The following DAB1 variants were observed in gnomAD, a reference collection of about 807,000 sequenced individuals.
The protein encoded by DAB1 is DAB adaptor protein 1.
Under a neutral mutation model 64.6 loss-of-function variants are expected in DAB1, and 15 were observed. That is an observed-to-expected ratio of 0.23 (90% CI 0.16 to 0.36). The LOEUF is 0.36. Ranked by LOEUF, DAB1 falls within the 10% of genes least tolerant of loss-of-function variation. The probability of loss-of-function intolerance (pLI) is 1.00; values close to 1 mark genes in which losing one functional copy is unlikely to be tolerated. For missense variants in DAB1, 596 were observed against 706.7 expected (o/e 0.84, Z 1.78); for synonymous variants, 235 against 251.9 (o/e 0.93, Z 0.64).
At chr1:57,489,388 A>AAAC (rs1184242036) in intron 7 of DAB1, among the ~76,000 whole-genome samples, 1 of 152,202 alleles carries the variant, frequency 6.6e-6, no homozygotes, top group African/African-American at 2.4e-5. Flanking sequence ...CTAGATTCTC[A>AAAC]AACTATCTCA....
At chr1:57,742,549 G>C (rs1648052595) in intron 6 of DAB1, among the ~76,000 whole-genome samples, 1 of 152,102 alleles carries the variant, frequency 6.6e-6, no homozygotes, top group Admixed American at 6.5e-5. Flanking sequence ...AGTGCCCCAA[G>C]CTAGGAACCT....
At chr1:57,894,861 C>A (rs1205110060) in intron 5 of DAB1, among the ~76,000 whole-genome samples, 1 of 152,052 alleles carries the variant, frequency 6.6e-6, no homozygotes, top group African/African-American at 2.4e-5. Context: ...ATCAGCTGCA[C>A]CAATTAAAAC....
At chr1:58,433,638 T>G (rs1369705795) in intron 3 of DAB1, among the ~76,000 whole-genome samples, 2 of 142,294 alleles carry the variant, frequency 1.4e-5, no homozygotes, top group Admixed American at 7.0e-5. Flanking sequence ...TGTGTGTGCT[T>G]GTCTGTGTCT....
downstream of DAB1, among the ~76,000 whole-genome samples, chr1:57,824,775 C>T (rs1430142434): frequency 1.3e-5 from 2 of 152,232 alleles, no homozygotes; most frequent in African/African-American, 4.8e-5. Flanking sequence ...CACTAGCCAG[C>T]AGAGAGTCTG....
chr1:58,422,904 G>A (rs1019493631), intron 3 of DAB1, among the ~76,000 whole-genome samples: 2 of 152,184 alleles, frequency 1.3e-5, no homozygotes, highest in African/African-American at 2.4e-5. Flanking sequence ...AAATCTAACA[G>A]GAGCAAATCT....
chr1:57,145,836 T>A (rs930443165), intron 2 of DAB1, among the ~76,000 whole-genome samples: 3 of 152,240 alleles, frequency 2.0e-5, no homozygotes, highest in Admixed American at 6.5e-5. Context: ...GCACCGAGTC[T>A]CTGGCATTGC....
intron 6 of DAB1, among the ~76,000 whole-genome samples, chr1:57,728,973 G>A (rs1486471177): frequency 6.6e-6 from 1 of 152,136 alleles, no homozygotes; most frequent in Non-Finnish European, 1.5e-5. Flanking sequence ...AACTAATTAT[G>A]CTTATGTCGA....
At chr1:58,079,465 G>A (rs926585507) in intron 5 of DAB1, among the ~76,000 whole-genome samples, 14 of 150,542 alleles carry the variant, frequency 9.3e-5, no homozygotes, top group African/African-American at 3.4e-4. Context: ...TTATGACAGT[G>A]CTTGGCATAG....
downstream of DAB1, among the ~76,000 whole-genome samples, chr1:57,821,407 G>A (rs1029896165): frequency 7.6e-6 from 1 of 131,094 alleles, no homozygotes; most frequent in Non-Finnish European, 1.7e-5. Flanking sequence ...GCAATGAGCA[G>A]CTCTGTAATT....
rs532556325 is a variant in DAB1 at position 57,372,194 on chromosome 1, T to C, written c.-137+51736A>G. Among the ~76,000 whole-genome samples, 83 of 152,212 alleles carry C rather than the reference T, an allele frequency of 5.5e-4. 1 individual carries two copies. Among genetic ancestry groups the C allele is most frequent in the Non-Finnish European group, 8.7e-4 (59 of 68,048 alleles). ...TCTCCCTTACCCAAGAGCAAACTCA[T>C]AGACATTTACAAATTATGACAATTT... On this transcript the variant is annotated intron_variant, in intron 1 of 14. Coordinates refer to ENST00000371236, the MANE Select transcript of DAB1 (RefSeq NM_001365792.1).
At chr1:58,055,264 TC>T (rs1483894423) in intron 5 of DAB1, among the ~76,000 whole-genome samples, 1 of 152,176 alleles carries the variant, frequency 6.6e-6, no homozygotes, top group Admixed American at 6.5e-5. Flanking sequence ...AGCATGCACA[TC>T]CTTGATTCTT....
chr1:58,157,618 G>A (rs553243505), intron 4 of DAB1, among the ~76,000 whole-genome samples: 72 of 152,278 alleles, frequency 4.7e-4, no homozygotes, highest in Non-Finnish European at 1.5e-5. Flanking sequence ...GGGTGTTCTA[G>A]GCATAGAGAA....
intron 2 of DAB1, among the ~76,000 whole-genome samples, chr1:57,176,584 A>G (rs1662340887): frequency 6.6e-6 from 1 of 152,150 alleles, no homozygotes; most frequent in Admixed American, 6.5e-5. Flanking sequence ...CCCCTCCACC[A>G]TAATCTGAAT....
intron 4 of DAB1, among the ~76,000 whole-genome samples, chr1:58,177,378 G>C (rs1461174412): frequency 1.5e-4 from 23 of 152,298 alleles, no homozygotes; most frequent in Non-Finnish European, 5.9e-5. Context: ...ACAAATATTT[G>C]TGATAAAAAT....
intron 1 of DAB1, among the ~76,000 whole-genome samples, chr1:57,371,643 CACTCT>C (rs1680505090): frequency 6.6e-6 from 1 of 152,190 alleles, no homozygotes; most frequent in Admixed American, 6.5e-5. Context: ...TCTCAGGACT[CACTCT>C]ACAGGGGAAG....
chr1:58,532,588 T>C (rs61781818), intron 1 of DAB1, among the ~76,000 whole-genome samples: 17,680 of 152,194 alleles, frequency 0.12, 1,223 homozygotes, highest in African/African-American at 0.18. Context: ...AGTGCAGTGG[T>C]GCGATCATGG....
chr1:57,473,567 G>T (rs575014030), intron 7 of DAB1, among the ~76,000 whole-genome samples: 3 of 152,158 alleles, frequency 2.0e-5, no homozygotes, highest in African/African-American at 7.2e-5. Flanking sequence ...AGGCAGACTC[G>T]TGAAGACTAA....
At chr1:58,468,444 A>T (rs1340473735) in intron 3 of DAB1, 1 of 152,196 alleles carries the variant, frequency 6.6e-6, no homozygotes, top group Admixed American at 6.5e-5. Flanking sequence ...CCATTGCATG[A>T]TGATATCATA....
At chr1:57,069,237 T>G (rs534857619) in intron 8 of DAB1, 123 bp downstream of exon 8, 1 of 761,836 alleles carries the variant, frequency 1.3e-6, no homozygotes. Flanking sequence ...AGAAGCCATT[T>G]CACTCAAAGG....
Sources: allele counts gnomAD v4.1 joint callset (sites outside exome capture counted in the v4.1 genomes callset), GRCh38; gene constraint gnomAD v4.1.1; transcripts MANE v1.5; gene names NCBI Gene and HGNC (gene_info 2026-07-23, HGNC 2026-07-21).